FUT8: variants seen among roughly 807,000 people sequenced by gnomAD.
The protein encoded by FUT8 is alpha-(1,6)-fucosyltransferase.
FUT8 carries 29 observed loss-of-function variants against 71.3 expected under a neutral mutation model. The observed-to-expected ratio is 0.41, with a 90% CI of 0.30 to 0.55. FUT8 has a LOEUF of 0.55. FUT8 is among the 20% of genes least tolerant of loss of function. The pLI is 0.34. For synonymous variants in FUT8, 254 were observed against 239.3 expected (o/e 1.06, Z -0.57); for missense variants, 544 against 702.1 (o/e 0.77, Z 2.55).
At chr14:65,641,550 A>G (rs1890831996) in intron 6 of FUT8, among the ~76,000 whole-genome samples, 1 of 152,192 alleles carries the variant, frequency 6.6e-6, no homozygotes, top group Non-Finnish European at 1.5e-5. Context: ...GCTGGGTCGT[A>G]TAACAGTGTA....
chr14:65,468,254 T>C, intron 2 of FUT8: 1 of 623,752 alleles, frequency 1.6e-6, no homozygotes, highest in Non-Finnish European at 3.0e-6. Context: ...TAGATTCGCA[T>C]ACATGTGGCC....
chr14:65,418,587 G>A (rs1025486085), intron 1 of FUT8, among the ~76,000 whole-genome samples: 1 of 152,176 alleles, frequency 6.6e-6, no homozygotes, highest in African/African-American at 2.4e-5. Flanking sequence ...TATAGATTCT[G>A]TATTGTCTGG....
chr14:65,722,740 T>C (rs569507492), intron 8 of FUT8, among the ~76,000 whole-genome samples: 80 of 152,284 alleles, frequency 5.3e-4, no homozygotes, highest in African/African-American at 1.7e-3. Flanking sequence ...ATAGAATAGA[T>C]GTTCATATGA....
chr14:65,572,435 T>C lies in FUT8; in HGVS notation c.203+10669T>C, dbSNP rs548721136. ...AGACAGAGAAGTACAGTTAAATAGCTTGCTGAAATGTATACAACTGTGAGT... is the reference window on the plus strand; with the variant it reads ...AGACAGAGAAGTACAGTTAAATAGCCTGCTGAAATGTATACAACTGTGAGT... On this transcript the variant is annotated intron_variant, in intron 3 of 10. Transcript: ENST00000673929. Among the ~76,000 whole-genome samples the C allele has an allele frequency of 4.9e-4, 75 of 152,298 alleles. No homozygotes were observed. In the South Asian group the frequency reaches 0.015, roughly 31 times the overall value.
intron 6 of FUT8, among the ~76,000 whole-genome samples, chr14:65,656,008 G>T (rs1240205093): frequency 1.3e-4 from 3 of 22,784 alleles, no homozygotes; most frequent in Non-Finnish European, 3.6e-4. Context: ...GTACCATAAT[G>T]GGGGAGAAAC....
chr14:65,504,629 T>G (rs979986013), intron 2 of FUT8, among the ~76,000 whole-genome samples: 2 of 152,214 alleles, frequency 1.3e-5, no homozygotes, highest in South Asian at 4.1e-4. Context: ...CTTTCCATAG[T>G]GTCTCCTCAC....
intron 7 of FUT8, among the ~76,000 whole-genome samples, chr14:65,714,079 T>C (rs1052294149): frequency 1.3e-5 from 2 of 152,230 alleles, no homozygotes; most frequent in Non-Finnish European, 2.9e-5. Context: ...GTTTCATTCC[T>C]GAGCATATGG....
At chr14:65,439,617 C>G (rs1221732465) in intron 1 of FUT8, among the ~76,000 whole-genome samples, 2 of 151,996 alleles carry the variant, frequency 1.3e-5, no homozygotes, top group South Asian at 4.1e-4. Context: ...CATACTGTCT[C>G]AGTTATTCAA....
chr14:65,526,595 T>C (rs1173008632), intron 2 of FUT8, among the ~76,000 whole-genome samples: 1 of 152,206 alleles, frequency 6.6e-6, no homozygotes, highest in African/African-American at 2.4e-5. Flanking sequence ...GTGAATTTGA[T>C]CCTGTCATTA....
intron 2 of FUT8, among the ~76,000 whole-genome samples, chr14:65,518,361 A>G (rs1882850230): frequency 2.0e-5 from 3 of 152,118 alleles, no homozygotes; most frequent in African/African-American, 7.2e-5. Context: ...GGCTCCCCAT[A>G]GTGAGCTTGA....
At chr14:65,485,832 C>G (rs1349937359) in intron 2 of FUT8, among the ~76,000 whole-genome samples, 3 of 152,182 alleles carry the variant, frequency 2.0e-5, no homozygotes. Context: ...TCTTTCTCTT[C>G]CCTGGGCCTT....
At chr14:65,502,231 A>AT (rs544705480) in intron 2 of FUT8, among the ~76,000 whole-genome samples, 1,488 of 142,872 alleles carry the variant, frequency 0.01, 12 homozygotes, top group Non-Finnish European at 0.013. Flanking sequence ...ATTTATTGTT[A>AT]TTTTTTTTTT....
At chr14:65,634,177 AAAG>A (rs1474897614) in intron 6 of FUT8, among the ~76,000 whole-genome samples, 3 of 152,004 alleles carry the variant, frequency 2.0e-5, no homozygotes, top group Non-Finnish European at 4.4e-5. Flanking sequence ...GTCTGTGTAG[AAAG>A]AAGTAGACAT....
At chr14:65,423,418 C>A (rs550628221) in intron 1 of FUT8, among the ~76,000 whole-genome samples, 1 of 152,024 alleles carries the variant, frequency 6.6e-6, no homozygotes, top group African/African-American at 2.4e-5. Context: ...CCCATCACTA[C>A]GCCAGGCTAA....
At chr14:65,481,876 T>C (rs2066336832) in intron 2 of FUT8, among the ~76,000 whole-genome samples, 1 of 152,206 alleles carries the variant, frequency 6.6e-6, no homozygotes, top group Non-Finnish European at 1.5e-5. Flanking sequence ...ATCAAAGTTG[T>C]TTATAAGATA....
chr14:65,663,889 CT>C (rs780909516), intron 6 of FUT8, among the ~76,000 whole-genome samples: 16 of 152,130 alleles, frequency 1.1e-4, no homozygotes, highest in South Asian at 4.2e-4. Context: ...TGTGAGTCTT[CT>C]TTTAAATAGA....
intron 7 of FUT8, among the ~76,000 whole-genome samples, chr14:65,677,156 G>A (rs1205436188): frequency 3.5e-5 from 4 of 115,704 alleles, no homozygotes; most frequent in South Asian, 2.5e-4. Context: ...GTGTGTGCGC[G>A]CGCGCATGCG....
At position 65,643,971 on chromosome 14, in the gene FUT8, A is replaced by G. The variant is rs926334037; in HGVS notation, c.597+14365A>G. ...TAGTTCGACTCTGATCTAAGTCACA[A>G]TACAGTTCTAGAAACAATTTTCCAA... On this transcript the variant is annotated intron_variant, in intron 6 of 10. Transcript: ENST00000673929. The surrounding 1 kb of genome is among the most constrained non-coding windows in gnomAD (Gnocchi z 4.5). Among the ~76,000 whole-genome samples the G allele has an allele frequency of 1.3e-5, 2 of 152,134 alleles. No homozygotes were observed. The highest frequency in any genetic ancestry group is 4.8e-5 in the African/African-American group (2 of 41,422).
intron 2 of FUT8, among the ~76,000 whole-genome samples, chr14:65,519,594 C>G (rs952273881): frequency 1.3e-5 from 2 of 152,034 alleles, no homozygotes; most frequent in African/African-American, 4.8e-5. Context: ...AAAAATGTTT[C>G]TGGATAAATT....
Sources: allele counts gnomAD v4.1 joint callset (sites outside exome capture counted in the v4.1 genomes callset), GRCh38; gene constraint gnomAD v4.1.1; non-coding constraint Gnocchi (gnomAD v3.1); transcripts MANE v1.5; gene names NCBI Gene and HGNC (gene_info 2026-07-23, HGNC 2026-07-21).